Variants in DYM observed in about 807,000 individuals in gnomAD.
DYM encodes the protein dymeclin, also known as dyggve-Melchior-Clausen syndrome protein.
A neutral mutation model predicts 93.1 loss-of-function variants in DYM; 78 were observed. That is an observed-to-expected ratio of 0.84 (90% confidence interval 0.70 to 1.01). DYM has a LOEUF of 1.01. Among genes scored for constraint, DYM ranks in the 50% least tolerant of loss-of-function variants. The pLI is 0.00. For missense variants in DYM, 789 were observed against 845.0 expected (o/e 0.93, Z 0.82); for synonymous variants, 321 against 319.7 (o/e 1.00, Z -0.04).
At chr18:49,133,315 A>G (rs953376733) in intron 15 of DYM, among the ~76,000 whole-genome samples, 1 of 152,246 alleles carries the variant, frequency 6.6e-6, no homozygotes, top group Admixed American at 6.5e-5. Flanking sequence ...CTATTGCACA[A>G]TAACAAAAAA....
intron 15 of DYM, among the ~76,000 whole-genome samples, chr18:49,142,751 T>C (rs776951849): frequency 2.8e-4 from 43 of 152,188 alleles, no homozygotes; most frequent in African/African-American, 9.2e-4. Flanking sequence ...TACCAAAGAA[T>C]AGGTTAACCC....
At chr18:49,076,253 T>C (rs1466950107) in intron 17 of DYM, among the ~76,000 whole-genome samples, 1 of 152,222 alleles carries the variant, frequency 6.6e-6, no homozygotes, top group East Asian at 1.9e-4. Flanking sequence ...AATATTATGA[T>C]GTTTTAAACT....
chr18:49,057,257 A>AAAT (rs1489825392), intron 17 of DYM, among the ~76,000 whole-genome samples: 1 of 152,238 alleles, frequency 6.6e-6, no homozygotes, highest in Non-Finnish European at 1.5e-5. Context: ...GAGGGAAAGT[A>AAAT]CATTCAGAGG....
intron 2 of DYM, among the ~76,000 whole-genome samples, chr18:49,404,784 C>T (rs1044760608): frequency 2.0e-5 from 3 of 152,108 alleles, no homozygotes; most frequent in African/African-American, 7.2e-5. Flanking sequence ...TTTTGGGAGG[C>T]CAAGGCAGGT....
intron 17 of DYM, among the ~76,000 whole-genome samples, chr18:49,072,778 G>C (rs1033604825): frequency 6.6e-6 from 1 of 152,212 alleles, no homozygotes; most frequent in African/African-American, 2.4e-5. Flanking sequence ...CGTGCAAATA[G>C]GAGAGCTGCC....
chr18:49,039,135 A>C lies in DYM; in HGVS notation c.*4920T>G, dbSNP rs936954247. Among the ~76,000 whole-genome samples, 1 of 152,186 alleles carries C rather than the reference A, an allele frequency of 6.6e-6. No individual in the cohort carries two copies. The highest frequency in any genetic ancestry group is 1.9e-4 in the East Asian group (1 of 5,202). On this transcript the variant is annotated 3_prime_UTR_variant, in exon 18 of 18. Transcript: ENST00000675505. ...AATTCTTCTAGCTGTTTCTCTAAAA[A>C]TGTCTTCATATCCTCTTCATTTTTG...
chr18:49,206,770 G>C (rs1353052002), intron 14 of DYM, among the ~76,000 whole-genome samples: 1 of 152,130 alleles, frequency 6.6e-6, no homozygotes, highest in Admixed American at 6.5e-5. Flanking sequence ...GAAAAAAATG[G>C]GCAGGGCCTC....
chr18:49,068,993 T>A (rs2076679685), intron 17 of DYM, among the ~76,000 whole-genome samples: 1 of 152,242 alleles, frequency 6.6e-6, no homozygotes, highest in African/African-American at 2.4e-5. Flanking sequence ...GAATAGAATG[T>A]ATATTGAGGA....
Position 49,333,780 on chromosome 18 carries a change from T to C in DYM, c.568A>G (p.Lys190Glu), listed in dbSNP as rs1042653639. Residue 190 changes from lysine to glutamate, a missense_variant, in exon 7 of 18, where the codon AAA becomes GAA. Coordinates refer to ENST00000675505, the MANE Select transcript of DYM (RefSeq NM_001353214.3). The stretch of plus-strand genomic sequence containing the variant: ...CTGATGCTCTGTCGCAAAACTTCTT[T>C]GTGGAAGAGTTGGCAGGAAAGGAAA... ...VVFLSCQLFH[K>E]EVLRQSISHK... 4 of 1,613,930 alleles carry C rather than the reference T, an allele frequency of 2.5e-6. No individual in the cohort carries two copies. Among genetic ancestry groups the C allele is most frequent in the South Asian group, 1.1e-5 (1 of 91,082 alleles).
At chr18:49,227,745 A>G (rs1210038054) in intron 13 of DYM, among the ~76,000 whole-genome samples, 1 of 152,166 alleles carries the variant, frequency 6.6e-6, no homozygotes, top group Non-Finnish European at 1.5e-5. Flanking sequence ...CAATGTTCTA[A>G]CCACTCTAAT....
At chr18:49,158,427 A>G (rs772732258) in intron 15 of DYM, among the ~76,000 whole-genome samples, 18 of 152,184 alleles carry the variant, frequency 1.2e-4, no homozygotes, top group Non-Finnish European at 1.3e-4. Context: ...CCCAAAAGCA[A>G]TTGTCAAAAG....
chr18:49,334,854 C>T (rs965349171), intron 6 of DYM, among the ~76,000 whole-genome samples: 5 of 152,108 alleles, frequency 3.3e-5, no homozygotes, highest in Admixed American at 2.6e-4. Context: ...GCCTGTAATC[C>T]CAGCACTTTG....
chr18:49,436,771 G>A (rs888379898), intron 1 of DYM, among the ~76,000 whole-genome samples: 4 of 152,046 alleles, frequency 2.6e-5, no homozygotes, highest in Non-Finnish European at 5.9e-5. Context: ...GCTCTACCAT[G>A]TACTCAATTT....
intron 5 of DYM, among the ~76,000 whole-genome samples, chr18:49,369,131 TAA>T (rs368949032): frequency 3.2e-4 from 48 of 152,312 alleles, no homozygotes; most frequent in African/African-American, 1.1e-3. Flanking sequence ...ATTTTCTCTA[TAA>T]GAGTATCCAC....
chr18:49,350,736 A>AC (rs2065043461), intron 6 of DYM, among the ~76,000 whole-genome samples: 2 of 151,536 alleles, frequency 1.3e-5, no homozygotes, highest in African/African-American at 4.8e-5. Context: ...GAAAAAAAAA[A>AC]AAAAAACAAG....
At chr18:49,351,120 G>A (rs2065084749) in intron 6 of DYM, among the ~76,000 whole-genome samples, 1 of 151,964 alleles carries the variant, frequency 6.6e-6, no homozygotes, top group South Asian at 2.1e-4. Flanking sequence ...GTTTTAGAGA[G>A]ACTTAAAAAA....
At position 49,392,681 on chromosome 18, in the gene DYM, TAAAAAAAAAA is replaced by T. The variant is rs869086187; in HGVS notation, c.141-1046_141-1037del. 4.7e-3 allele frequency among the ~76,000 whole-genome samples: 324 copies of T among 68,510 alleles called. 2 individuals carry two copies. The highest frequency in any genetic ancestry group is 0.033 in the Middle Eastern group (2 of 60). 44.9% of individuals were successfully genotyped at this position (68,510 alleles called of 152,430 possible). On this transcript the variant is annotated intron_variant, in intron 2 of 17. Coordinates refer to ENST00000675505, the MANE Select transcript of DYM (RefSeq NM_001353214.3). ...CACACCCATTGGGATGGCTTTTATT[TAAAAAAAAAA>T]AAAAAAAAAAAAAAAAAAAGAGGCC...
At chr18:49,454,251 T>A (rs1033859213) in intron 1 of DYM, among the ~76,000 whole-genome samples, 1 of 152,094 alleles carries the variant, frequency 6.6e-6, no homozygotes, top group African/African-American at 2.4e-5. Context: ...TAACAAGGAA[T>A]TACTTAGGCA....
At chr18:49,191,799 G>A (rs1024921929) in intron 14 of DYM, among the ~76,000 whole-genome samples, 3 of 152,142 alleles carry the variant, frequency 2.0e-5, no homozygotes, top group African/African-American at 7.2e-5. Context: ...GAGTCAAAAT[G>A]ATTTCAAGGG....
Sources: gnomAD v4.1 joint callset for allele counts (sites outside exome capture counted in the v4.1 genomes callset) on GRCh38, gnomAD v4.1.1 for gene constraint, MANE v1.5 for transcripts, NCBI Gene and HGNC (gene_info 2026-07-23, HGNC 2026-07-21) for gene names.